FGF18: variants seen among roughly 807,000 people sequenced by gnomAD.
The protein encoded by FGF18 is fibroblast growth factor 18.
Under a neutral mutation model 23.0 loss-of-function variants are expected in FGF18, and 5 were observed. The ratio of observed to expected loss-of-function variants is 0.22; its 90% CI spans 0.11 to 0.46. The LOEUF is 0.46. Among genes scored for constraint, FGF18 ranks in the 20% least tolerant of loss-of-function variants. The pLI, the probability that FGF18 is intolerant of heterozygous loss-of-function variation, is 0.99. For missense variants in FGF18, 180 were observed against 291.6 expected (o/e 0.62, Z 2.79); for synonymous variants, 117 against 118.9 (o/e 0.98, Z 0.10).
intron 4 of FGF18, among the ~76,000 whole-genome samples, chr5:171,455,005 C>T (rs1772562056): frequency 1.3e-5 from 2 of 152,238 alleles, no homozygotes; most frequent in South Asian, 2.1e-4. Flanking sequence ...TAGCAAGCTC[C>T]TACTGTGTGT....
intron 4 of FGF18, among the ~76,000 whole-genome samples, chr5:171,452,526 GC>G (rs1194884914): frequency 6.6e-6 from 1 of 152,142 alleles, no homozygotes; most frequent in South Asian, 2.1e-4. Flanking sequence ...TGTTCAGGCG[GC>G]CCCCCTTCTC....
chr5:171,446,398 T>A (rs567766953), intron 3 of FGF18, among the ~76,000 whole-genome samples: 2 of 152,248 alleles, frequency 1.3e-5, no homozygotes, highest in African/African-American at 4.8e-5. Context: ...CAGGCCCCAG[T>A]AGAAAGAGGC....
intron 2 of FGF18, among the ~76,000 whole-genome samples, chr5:171,421,779 G>T (rs529386605): frequency 1.3e-5 from 2 of 152,030 alleles, no homozygotes; most frequent in East Asian, 1.9e-4. Flanking sequence ...CCTCCTGTTG[G>T]CCAGGCTGGG....
In FGF18 at chr5:171,451,038, G is replaced by T. The variant is rs576667160; in HGVS notation, c.357+1785G>T. Among the ~76,000 whole-genome samples, 859 of 151,782 alleles carry T rather than the reference G, an allele frequency of 5.7e-3. 7 individuals are homozygous for T. The highest frequency in any genetic ancestry group is 0.02 in the African/African-American group (815 of 41,436). On this transcript the variant is annotated intron_variant, in intron 4 of 4. Transcript: ENST00000274625. This position sits in a 1 kb window ranked among gnomAD's most constrained non-coding sequence, Gnocchi z 4.5. ...GCGCGGGGGTCAAAAGAGCAGCCCC[G>T]TCCCCTCGGGCCGCCCCCCCACCCC...
intron 4 of FGF18, among the ~76,000 whole-genome samples, chr5:171,455,869 G>C (rs1772573179): frequency 6.6e-6 from 1 of 152,168 alleles, no homozygotes; most frequent in Non-Finnish European, 1.5e-5. Flanking sequence ...TATCTGGGTG[G>C]AGAGTGGGGA....
chr5:171,438,153 G>A (rs564207924), intron 3 of FGF18, among the ~76,000 whole-genome samples: 43 of 149,744 alleles, frequency 2.9e-4, no homozygotes, highest in African/African-American at 1.0e-3. Flanking sequence ...GGCTGGAGTG[G>A]TGCAGTGGCA....
At chr5:171,453,188 C>T (rs1772539869) in intron 4 of FGF18, among the ~76,000 whole-genome samples, 1 of 152,164 alleles carries the variant, frequency 6.6e-6, no homozygotes, top group Admixed American at 6.5e-5. Flanking sequence ...CTGTGGTGAG[C>T]AGGGTCATAG....
At chr5:171,423,043 C>T (rs1017433878) in intron 2 of FGF18, among the ~76,000 whole-genome samples, 2 of 152,214 alleles carry the variant, frequency 1.3e-5, no homozygotes, top group African/African-American at 4.8e-5. Context: ...GCAGTGTTTT[C>T]CAGGACTGGT....
chr5:171,422,315 G>A (rs1037895193), intron 2 of FGF18, among the ~76,000 whole-genome samples: 2 of 152,110 alleles, frequency 1.3e-5, no homozygotes, highest in Non-Finnish European at 2.9e-5. Flanking sequence ...AAGCAGGTGA[G>A]GGATCCTCCT....
At chr5:171,442,826 C>T (rs1333834075) in intron 3 of FGF18, among the ~76,000 whole-genome samples, 5 of 152,198 alleles carry the variant, frequency 3.3e-5, no homozygotes, top group Non-Finnish European at 7.3e-5. Flanking sequence ...GCTGGGGAAG[C>T]ACACTGGGAT....
intron 3 of FGF18, among the ~76,000 whole-genome samples, chr5:171,448,079 G>A (rs1430923844): frequency 6.6e-6 from 1 of 152,200 alleles, no homozygotes; most frequent in Non-Finnish European, 1.5e-5. Flanking sequence ...GGAGTGAGAG[G>A]AAAAGATTTG....
At position 171,420,140 on chromosome 5, in the gene FGF18, C is replaced by G. The variant is rs1771980117; in HGVS notation, c.-60C>G. On this transcript the variant is annotated 5_prime_UTR_variant, in exon 1 of 5. Coordinates refer to ENST00000274625, the MANE Select transcript of FGF18 (RefSeq NM_003862.3). ...CGGCGGCGGAGGCGCCCGGTCCCGGCCGCGCGGAGCGGACATGTGCAGGCT... is the reference window on the plus strand; with the variant it reads ...CGGCGGCGGAGGCGCCCGGTCCCGGGCGCGCGGAGCGGACATGTGCAGGCT... 17 of 1,354,930 alleles carry G rather than the reference C, an allele frequency of 1.3e-5. No individual in the cohort carries two copies. The East Asian group carries it at 4.9e-4, about 39-fold the overall frequency. 83.9% of individuals were successfully genotyped at this position (1,354,930 alleles called of 1,614,324 possible).
intron 2 of FGF18, among the ~76,000 whole-genome samples, chr5:171,424,194 C>T (rs1772059779): frequency 6.6e-6 from 1 of 152,198 alleles, no homozygotes; most frequent in African/African-American, 2.4e-5. Flanking sequence ...CAAGAGCTCC[C>T]AGTTTAAAGG....
chr5:171,444,601 G>A (rs1772391431), intron 3 of FGF18, among the ~76,000 whole-genome samples: 1 of 151,990 alleles, frequency 6.6e-6, no homozygotes, highest in African/African-American at 2.4e-5. Context: ...ACTGAGGCTG[G>A]GGATGGGTGG....
chr5:171,452,721 TG>T (rs1351714165), intron 4 of FGF18, among the ~76,000 whole-genome samples: 1 of 152,192 alleles, frequency 6.6e-6, no homozygotes, highest in African/African-American at 2.4e-5. Flanking sequence ...GAGTCCTTTT[TG>T]GGGCAACATA....
chr5:171,430,101 G>A (rs922157510), intron 2 of FGF18, among the ~76,000 whole-genome samples: 3 of 152,214 alleles, frequency 2.0e-5, no homozygotes, highest in East Asian at 1.9e-4. Context: ...GCTCACGCCT[G>A]TAATCCCAGC....
intron 4 of FGF18, among the ~76,000 whole-genome samples, chr5:171,455,928 G>A (rs751024878): frequency 3.3e-5 from 5 of 152,178 alleles, no homozygotes; most frequent in Non-Finnish European, 7.3e-5. Context: ...TAATTGGAGG[G>A]TGGGGGAAAG....
chr5:171,440,499 C>G lies in FGF18; in HGVS notation c.250+4226C>G, dbSNP rs1256847549. Reference sequence around the variant, plus strand: ...CAACGTAAATTACCAAGCCCAAGCACCAGGGGAGGGGGCTACTGTGGTGAG... The same window carrying G: ...CAACGTAAATTACCAAGCCCAAGCAGCAGGGGAGGGGGCTACTGTGGTGAG... On this transcript the variant is annotated intron_variant, in intron 3 of 4. Transcript: ENST00000274625. This position sits in a 1 kb window ranked among gnomAD's most constrained non-coding sequence, Gnocchi z 4.0. Among the ~76,000 whole-genome samples the G allele has an allele frequency of 6.6e-6, 1 of 152,090 alleles. No individual in the cohort carries two copies. The highest frequency in any genetic ancestry group is 2.4e-5 in the African/African-American group (1 of 41,400).
At chr5:171,426,675 GT>G (rs1357856829) in intron 2 of FGF18, among the ~76,000 whole-genome samples, 1 of 152,220 alleles carries the variant, frequency 6.6e-6, no homozygotes, top group African/African-American at 2.4e-5. Flanking sequence ...GAATACCTGG[GT>G]TCCAATCCTG....
Sources: allele counts gnomAD v4.1 joint callset (sites outside exome capture counted in the v4.1 genomes callset), GRCh38; gene constraint gnomAD v4.1.1; non-coding constraint Gnocchi (gnomAD v3.1); transcripts MANE v1.5; gene names NCBI Gene and HGNC (gene_info 2026-07-23, HGNC 2026-07-21).